PGCKA1: variants seen among roughly 807,000 people sequenced by gnomAD.
PGCKA1 encodes the protein PDCD10 and GCKIII kinases associated 1, also known as PDCD10 and GCKIII kinases-associated protein 1.
chr4:37,549,791 G>A, the PGCKA1 span, among the ~76,000 whole-genome samples: 2 of 152,064 alleles, frequency 1.3e-5, no homozygotes, highest in Non-Finnish European at 2.9e-5. Flanking sequence ...ACTGGGGGCT[G>A]TACATGGATG....
the PGCKA1 span, among the ~76,000 whole-genome samples, chr4:37,564,280 AAAAAAAAAAAG>A: frequency 2.2e-5 from 3 of 136,524 alleles, no homozygotes; most frequent in African/African-American, 7.8e-5. Context: ...GTCTCAAAAA[AAAAAAAAAAAG>A]AAAGAAAAAA....
At chr4:37,490,994 T>G in the PGCKA1 span, among the ~76,000 whole-genome samples, 1 of 152,226 alleles carries the variant, frequency 6.6e-6, no homozygotes, top group African/African-American at 2.4e-5. Context: ...GTCTTTACTT[T>G]TTAGCTCTAT....
the PGCKA1 span, among the ~76,000 whole-genome samples, chr4:37,494,695 T>C: frequency 6.6e-6 from 1 of 152,186 alleles, no homozygotes; most frequent in Non-Finnish European, 1.5e-5. Flanking sequence ...TTTGAGGAAT[T>C]GCCACACTGT....
the PGCKA1 span, among the ~76,000 whole-genome samples, chr4:37,454,583 G>T: frequency 6.6e-6 from 1 of 152,226 alleles, no homozygotes; most frequent in South Asian, 2.1e-4. Context: ...GGTGGGGGAA[G>T]AGGTCAGGGT....
the PGCKA1 span, among the ~76,000 whole-genome samples, chr4:37,542,802 G>T: frequency 6.6e-6 from 1 of 152,158 alleles, no homozygotes; most frequent in African/African-American, 2.4e-5. Context: ...TTTTCATAGT[G>T]TTTTGCCTAT....
At chr4:37,569,336 T>G in the PGCKA1 span, among the ~76,000 whole-genome samples, 1 of 151,920 alleles carries the variant, frequency 6.6e-6, no homozygotes, top group African/African-American at 2.4e-5. Context: ...TAGCTGAGAT[T>G]ACAAGCACCT....
the PGCKA1 span, among the ~76,000 whole-genome samples, chr4:37,509,824 G>C: frequency 2.0e-5 from 3 of 151,706 alleles, no homozygotes; most frequent in Non-Finnish European, 1.5e-5. Context: ...CCAGTCAGGC[G>C]TGGCGGCGCG....
chr4:37,464,478 G>T, the PGCKA1 span, among the ~76,000 whole-genome samples: 1 of 152,098 alleles, frequency 6.6e-6, no homozygotes, highest in East Asian at 1.9e-4. Context: ...AGCACAGCCC[G>T]CCCTTAGTAA....
the PGCKA1 span, chr4:37,590,654 A>T: frequency 3.7e-6 from 6 of 1,614,168 alleles, no homozygotes; most frequent in Admixed American, 8.3e-5. Context: ...GACAACGTTG[A>T]TCATAATGAA....
the PGCKA1 span, among the ~76,000 whole-genome samples, chr4:37,466,036 A>G: frequency 2.6e-5 from 1 of 39,202 alleles, no homozygotes; most frequent in Non-Finnish European, 5.7e-5. Flanking sequence ...GATTGCTGTA[A>G]TCACATTGTT....
chr4:37,537,118 A>T, the PGCKA1 span, among the ~76,000 whole-genome samples: 1 of 152,224 alleles, frequency 6.6e-6, no homozygotes, highest in Non-Finnish European at 1.5e-5. Context: ...TGTAACCCAT[A>T]AGATTGTTCT....
chr4:37,490,038 G>T, the PGCKA1 span, among the ~76,000 whole-genome samples: 1 of 151,734 alleles, frequency 6.6e-6, no homozygotes, highest in African/African-American at 2.4e-5. Flanking sequence ...AAAGAAAGAG[G>T]ATAGAAAAAA....
the PGCKA1 span, among the ~76,000 whole-genome samples, chr4:37,472,128 C>T: frequency 6.6e-6 from 1 of 152,186 alleles, no homozygotes; most frequent in Non-Finnish European, 1.5e-5. Flanking sequence ...GCGTGTGCCC[C>T]TGGCAGGCAT....
At chr4:37,465,159 T>C in the PGCKA1 span, among the ~76,000 whole-genome samples, 2 of 152,206 alleles carry the variant, frequency 1.3e-5, no homozygotes, top group African/African-American at 4.8e-5. Context: ...AATTGGAGTT[T>C]TGAAAAAATA....
the PGCKA1 span, among the ~76,000 whole-genome samples, chr4:37,575,348 T>C: frequency 6.6e-6 from 1 of 152,140 alleles, no homozygotes; most frequent in African/African-American, 2.4e-5. Context: ...CTGATGATCA[T>C]TGATGTTGAG....
At chr4:37,471,139 T>C in the PGCKA1 span, among the ~76,000 whole-genome samples, 5 of 152,230 alleles carry the variant, frequency 3.3e-5, no homozygotes, top group African/African-American at 7.2e-5. Context: ...CATTCATGAA[T>C]TGGGTAGCAC....
chr4:37,540,360 T>C, the PGCKA1 span, among the ~76,000 whole-genome samples: 1 of 152,236 alleles, frequency 6.6e-6, no homozygotes, highest in African/African-American at 2.4e-5. Context: ...TTTTGTACTT[T>C]AAAAACTACT....
chr4:37,568,542 G>A, the PGCKA1 span, among the ~76,000 whole-genome samples: 2 of 152,202 alleles, frequency 1.3e-5, no homozygotes, highest in Non-Finnish European at 2.9e-5. Flanking sequence ...GGCTGAAGAG[G>A]CATTTCCAAA....
chr4:37,562,902 C>A, the PGCKA1 span, among the ~76,000 whole-genome samples: 2 of 152,286 alleles, frequency 1.3e-5, no homozygotes, highest in Non-Finnish European at 2.9e-5. Context: ...GATCTTCTAC[C>A]TCTTAGTGTC....
Sources: allele counts gnomAD v4.1 joint callset (sites outside exome capture counted in the v4.1 genomes callset), GRCh38; gene constraint gnomAD v4.1.1; transcripts MANE v1.5; gene names NCBI Gene and HGNC (gene_info 2026-07-23, HGNC 2026-07-21).